SEC24A: variants seen among roughly 807,000 people sequenced by gnomAD.
The protein encoded by SEC24A is SEC24 homolog A, COPII component.
SEC24A carries 93 observed loss-of-function variants against 129.4 expected under a neutral mutation model. That is an observed-to-expected ratio of 0.72 (90% CI 0.61 to 0.85). The LOEUF is 0.85. Among genes scored for constraint, SEC24A ranks in the 40% least tolerant of loss-of-function variants. The pLI is 0.00. For missense variants in SEC24A, 1,264 were observed against 1,307.4 expected, an observed-to-expected ratio of 0.97 and a Z score of 0.51; for synonymous variants, 460 against 467.3, an observed-to-expected ratio of 0.98 and a Z score of 0.20.
intron 2 of SEC24A, among the ~76,000 whole-genome samples, chr5:134,665,325 G>A (rs960832170): frequency 2.0e-5 from 3 of 150,680 alleles, no homozygotes; most frequent in East Asian, 2.1e-4. Flanking sequence ...GTGGTGGCGC[G>A]CACTTGTGGA....
chr5:134,684,814 C>A (rs769798080), intron 9 of SEC24A, among the ~76,000 whole-genome samples: 23 of 152,090 alleles, frequency 1.5e-4, no homozygotes, highest in African/African-American at 2.9e-4. Context: ...ACAAAAAAAA[C>A]CAGAAGCACT....
intron 3 of SEC24A, among the ~76,000 whole-genome samples, chr5:134,670,731 T>C (rs537088571): frequency 6.6e-6 from 1 of 152,326 alleles, no homozygotes; most frequent in African/African-American, 2.4e-5. Context: ...GGCTCATGCC[T>C]GTAATCCCAG....
rs576264639 is a variant in SEC24A, at chr5:134,669,292, G to A, written c.739+2296G>A. Among the ~76,000 whole-genome samples, 31 of 149,932 alleles carry A rather than the reference G, an allele frequency of 2.1e-4. No homozygotes were observed. In the East Asian group the frequency reaches 3.7e-3, roughly 18 times the overall value. ...AGTGATTCTCCTGCCTCAGCTTCCC[G>A]AGTAGCTGGGATTACAGGCATGCGC... On this transcript the variant is annotated intron_variant, in intron 3 of 22. Transcript: ENST00000398844.
intron 6 of SEC24A, 148 bp downstream of exon 6, chr5:134,675,365 TAATA>T: frequency 1.6e-6 from 1 of 620,094 alleles, no homozygotes; most frequent in South Asian, 3.2e-5. Flanking sequence ...CTTGTTTACT[TAATA>T]GAGATTTGAA....
chr5:134,690,674 G>A (rs1477372811), intron 11 of SEC24A, among the ~76,000 whole-genome samples: 1 of 152,166 alleles, frequency 6.6e-6, no homozygotes. Context: ...GATTATCCTT[G>A]TAATCCTCCA....
intron 7 of SEC24A, among the ~76,000 whole-genome samples, chr5:134,677,754 T>G (rs1751118252): frequency 6.6e-6 from 1 of 151,678 alleles, no homozygotes; most frequent in South Asian, 2.1e-4. Flanking sequence ...AGGGAATCGC[T>G]TGAACCCGGG....
chr5:134,690,896 G>C (rs1266496932), intron 11 of SEC24A, among the ~76,000 whole-genome samples: 2 of 152,062 alleles, frequency 1.3e-5, no homozygotes, highest in Non-Finnish European at 2.9e-5. Flanking sequence ...GTGCAGTGGC[G>C]CGATCTCAGC....
chr5:134,713,959 T>C (rs1321822491), intron 18 of SEC24A, among the ~76,000 whole-genome samples: 1 of 151,798 alleles, frequency 6.6e-6, no homozygotes, highest in Non-Finnish European at 1.5e-5. Flanking sequence ...GGAGAATCGC[T>C]TGAACCTGGG....
Position 134,649,187 on chromosome 5 carries a change from G to A in SEC24A, c.97+14G>A. On this transcript the variant is annotated intron_variant, in intron 1 of 22. Transcript: ENST00000398844. Reference sequence around the variant, plus strand: ...CCTACACCAACGGTGAGTGCTGTCCGGGGGGAGGGCGCAGCCTGGCCAGGG... The same window carrying A: ...CCTACACCAACGGTGAGTGCTGTCCAGGGGGAGGGCGCAGCCTGGCCAGGG... The A allele has an allele frequency of 6.3e-7, 1 of 1,575,810 alleles. No homozygotes were observed. The highest frequency in any genetic ancestry group is 1.1e-5 in the South Asian group (1 of 88,098).
At chr5:134,695,944 CA>C (rs34026685) in intron 13 of SEC24A, among the ~76,000 whole-genome samples, 788 of 67,722 alleles carry the variant, frequency 0.012, 1 homozygote, top group South Asian at 0.042. Context: ...GACTCTGTCT[CA>C]AAAAAAAAAA....
chr5:134,725,612 G>GT lies in SEC24A; in HGVS notation c.*520dup, dbSNP rs1752740249. ...CCACACGTGTCTTTTTTTTTTCTTT[G>GT]TTAAGGGAAAGGATCATGTTGACTA... On this transcript the variant is annotated 3_prime_UTR_variant, in exon 23 of 23. Coordinates refer to ENST00000398844, the MANE Select transcript of SEC24A (RefSeq NM_021982.3). 1 of 148,484 alleles carries GT rather than the reference G, an allele frequency of 6.7e-6. No homozygotes were observed. The highest frequency in any genetic ancestry group is 2.5e-5 in the African/African-American group (1 of 39,582). The allele number at this position is 148,484 out of a possible 1,614,324, so 9.2% of individuals were successfully genotyped here. A position where few individuals can be genotyped will look rare whatever the true frequency, so the allele number is the denominator to read the frequency against.
intron 16 of SEC24A, among the ~76,000 whole-genome samples, chr5:134,704,993 C>T (rs1204057127): frequency 1.3e-5 from 2 of 149,610 alleles, no homozygotes; most frequent in Non-Finnish European, 3.0e-5. Flanking sequence ...CAGTATAAAA[C>T]GTTTGATACT....
intron 22 of SEC24A, among the ~76,000 whole-genome samples, chr5:134,724,570 AAG>A (rs1752713662): frequency 6.6e-6 from 1 of 152,016 alleles, no homozygotes; most frequent in African/African-American, 2.4e-5. Context: ...CCTGGGCAAC[AAG>A]AGTAAAACTC....
rs1752791473 is a variant in SEC24A, at chr5:134,727,823, A to AT, written c.*2729_*2730insT. On this transcript the variant is annotated 3_prime_UTR_variant, in exon 23 of 23. Coordinates refer to ENST00000398844, the MANE Select transcript of SEC24A (RefSeq NM_021982.3). ...TTTATTCCTGTTAAAAAAAAAAAAA[A>AT]GTCATTTGTAACCCATGCAGACCAT... is the stretch of plus-strand genomic sequence containing the variant. The AT allele has an allele frequency of 1.3e-5, 2 of 152,444 alleles. No homozygotes were observed. Among genetic ancestry groups the AT allele is most frequent in the Non-Finnish European group, 2.9e-5 (2 of 67,996 alleles). 9.4% of individuals were successfully genotyped at this position (152,444 alleles called of 1,614,324 possible).
chr5:134,659,079 A>ATTTG (rs1287374965), intron 1 of SEC24A, among the ~76,000 whole-genome samples: 15 of 150,210 alleles, frequency 1.0e-4, no homozygotes, highest in African/African-American at 3.7e-4. Flanking sequence ...TTATTTATTT[A>ATTTG]TTTATTTATT....
At chr5:134,698,928 C>T (rs1459552544) in intron 15 of SEC24A, among the ~76,000 whole-genome samples, 3 of 151,712 alleles carry the variant, frequency 2.0e-5, no homozygotes, top group Non-Finnish European at 4.4e-5. Flanking sequence ...TGACCGCACA[C>T]AGCCTAGACC....
intron 3 of SEC24A, among the ~76,000 whole-genome samples, chr5:134,667,256 G>T (rs1750693657): frequency 6.6e-6 from 1 of 151,998 alleles, no homozygotes; most frequent in Non-Finnish European, 1.5e-5. Context: ...AAAAATCATG[G>T]CTATAAAGTC....
chr5:134,691,480 T>C (rs1393707280), intron 11 of SEC24A, among the ~76,000 whole-genome samples: 2 of 149,504 alleles, frequency 1.3e-5, no homozygotes, highest in Non-Finnish European at 3.0e-5. Context: ...AGTCCCTTTT[T>C]AAAGGCACTG....
chr5:134,659,645 CTTTT>C (rs1173408628), intron 1 of SEC24A, among the ~76,000 whole-genome samples: 5 of 122,034 alleles, frequency 4.1e-5, no homozygotes, highest in Admixed American at 8.4e-5. Context: ...ACCTCATATT[CTTTT>C]TTTTTTTTTT....
Sources: allele counts gnomAD v4.1 joint callset (sites outside exome capture counted in the v4.1 genomes callset), GRCh38; gene constraint gnomAD v4.1.1; transcripts MANE v1.5; gene names NCBI Gene and HGNC (gene_info 2026-07-23, HGNC 2026-07-21).